The following ABCA9 variants were observed in gnomAD, a reference collection of about 807,000 sequenced individuals.
ABCA9 encodes ATP-binding cassette sub-family A member 9.
Under a neutral mutation model 205.3 loss-of-function variants are expected in ABCA9, and 183 were observed. The observed-to-expected ratio is 0.89, with a 90% CI of 0.79 to 1.01. The LOEUF (loss-of-function observed/expected upper bound fraction) is 1.01. ABCA9 is among the 50% of genes least tolerant of loss of function. ABCA9 has a pLI of 0.00. For missense variants in ABCA9, 1,805 were observed against 1,912.4 expected (o/e 0.94, Z 1.05); for synonymous variants, 651 against 683.3 (o/e 0.95, Z 0.74).
chr17:68,987,394 A>G (rs2069272023), intron 31 of ABCA9, among the ~76,000 whole-genome samples: 1 of 152,252 alleles, frequency 6.6e-6, no homozygotes, highest in East Asian at 1.9e-4. Flanking sequence ...TAAGTGAACA[A>G]TTTATAACCT....
intron 3 of ABCA9, among the ~76,000 whole-genome samples, chr17:69,046,904 TATATATATAAAATTTTATATATATAG>T (rs1478086991): frequency 3.4e-4 from 44 of 129,738 alleles, no homozygotes; most frequent in African/African-American, 1.1e-3. Flanking sequence ...TATATATATA[TATATATATAAAATTTTATATATATAG>T]AAAATTTTAT....
In ABCA9 at chr17:69,020,430, C is replaced by A; in HGVS notation, c.2558G>T (p.Arg853Leu). 6.2e-7 allele frequency: 1 copy of A among 1,613,878 alleles called. No homozygotes were observed. The highest frequency in any genetic ancestry group is 8.5e-7 in the Non-Finnish European group (1 of 1,179,892). Reference protein sequence around the residue: ...RQQVCAIAKVRFLKLKKERKS... With the variant: ...RQQVCAIAKVLFLKLKKERKS... ...TCTTTCTTTCTTTAACTTTAGGAAG[C>A]GAACTTTTGCTATTGCACAGACCTG... Residue 853 changes from arginine (R) to leucine (L), a missense_variant, in exon 19 of 39, where the codon CGC becomes CTC. By Grantham distance (102) the Arg-to-Leu change is moderately radical. Transcript: ENST00000340001.
chr17:68,982,848 A>T (rs987173144), intron 36 of ABCA9, among the ~76,000 whole-genome samples: 1 of 152,122 alleles, frequency 6.6e-6, no homozygotes, highest in Non-Finnish European at 1.5e-5. Flanking sequence ...CCACAAAAAA[A>T]CTTAAAAATT....
rs1268874882 is a variant in ABCA9, at chr17:69,029,198, C to CCT, written c.1473_1474dup (p.Gly492GlufsTer7). 2 of 1,559,644 alleles carry CCT rather than the reference C, an allele frequency of 1.3e-6. No homozygotes were observed. Among genetic ancestry groups the CCT allele is most frequent in the Non-Finnish European group, 1.8e-6 (2 of 1,142,426 alleles). ...CAAAGCTTCTACTCTCTCACACTTCCCTGCATATTCTTTTTTAAGATTTTT... is the reference window on the plus strand; with the variant it reads ...CAAAGCTTCTACTCTCTCACACTTCCCTCTGCATATTCTTTTTTAAGATTTTT... On this transcript the variant is annotated frameshift_variant, in exon 11 of 39. Coordinates refer to ENST00000340001, the MANE Select transcript of ABCA9 (RefSeq NM_080283.4). LOFTEE classifies it high-confidence loss of function.
At chr17:69,028,514 C>T (rs772254930) in intron 12 of ABCA9, 21 bp downstream of exon 12, 1 of 1,510,570 alleles carries the variant, frequency 6.6e-7, no homozygotes, top group Non-Finnish European at 9.1e-7. Flanking sequence ...GGTACTTGTC[C>T]TTGGATAACT....
chr17:69,070,299 G>C, the ABCA9 span, among the ~76,000 whole-genome samples: 3 of 151,922 alleles, frequency 2.0e-5, no homozygotes, highest in Admixed American at 2.0e-4. Context: ...GCAGCTCCCG[G>C]GCAAGATGGC....
chr17:68,996,000 CGAG>C lies in ABCA9; in HGVS notation c.3447_3449del (p.Phe1149_Ser1150delinsLeu). ...ATTCATTTAGATCAGTAGCAACTATCGAGAAGATGACCACCTAAAACAAATGCA... is the reference window on the plus strand; with the variant it reads ...ATTCATTTAGATCAGTAGCAACTATCAAGATGACCACCTAAAACAAATGCA... On this transcript the variant is annotated inframe_deletion, in exon 26 of 39. Transcript: ENST00000340001. 1 of 1,613,480 alleles carries C rather than the reference CGAG, an allele frequency of 6.2e-7. No individual in the cohort carries two copies. The highest frequency in any genetic ancestry group is 8.5e-7 in the Non-Finnish European group (1 of 1,179,880).
upstream of ABCA9, among the ~76,000 whole-genome samples, chr17:69,061,761 C>A (rs1391920165): frequency 1.3e-5 from 2 of 152,112 alleles, no homozygotes; most frequent in Non-Finnish European, 1.5e-5. Flanking sequence ...TTTTGAGCAT[C>A]TTATGTAAGT....
chr17:69,065,457 C>A (rs1050551398), upstream of ABCA9, among the ~76,000 whole-genome samples: 15 of 152,140 alleles, frequency 9.9e-5, no homozygotes, highest in Admixed American at 9.8e-4. Flanking sequence ...GATCTCTTTG[C>A]AAATGTACAA....
chr17:69,001,511 C>T (rs1413474448), intron 25 of ABCA9, among the ~76,000 whole-genome samples: 56 of 150,374 alleles, frequency 3.7e-4, no homozygotes, highest in South Asian at 1.3e-3. Flanking sequence ...CTGCTGGATT[C>T]GGTTTGCCAG....
Position 69,043,502 on chromosome 17 carries a change from C to CT in ABCA9, c.786dup (p.Glu263ArgfsTer104), listed in dbSNP as rs1435830176. ...CATATGATTTACCAGAATGCTGACT[C>CT]TCGGAGTCCCATCATTGTCATCAAT... is the stretch of plus-strand genomic sequence containing the variant. On this transcript the variant is annotated frameshift_variant, in exon 6 of 39. Coordinates refer to ENST00000340001, the MANE Select transcript of ABCA9 (RefSeq NM_080283.4). LOFTEE classifies it high-confidence loss of function. The CT allele has an allele frequency of 1.9e-6, 3 of 1,593,524 alleles. No homozygotes were observed. In the East Asian group the frequency reaches 6.7e-5, roughly 36 times the overall value.
chr17:69,011,325 G>C (rs1049849852), intron 23 of ABCA9, among the ~76,000 whole-genome samples: 2 of 152,134 alleles, frequency 1.3e-5, no homozygotes, highest in African/African-American at 4.8e-5. Context: ...GAAAAAGACA[G>C]TGAATGTGTG....
At chr17:69,019,342 C>A (rs1003481323) in intron 19 of ABCA9, among the ~76,000 whole-genome samples, 5 of 152,038 alleles carry the variant, frequency 3.3e-5, no homozygotes, top group African/African-American at 1.2e-4. Context: ...ATGCAAACTC[C>A]TTAGCTCTTT....
At chr17:69,053,741 G>T (rs1224021819) in intron 1 of ABCA9, among the ~76,000 whole-genome samples, 2 of 151,784 alleles carry the variant, frequency 1.3e-5, no homozygotes, top group African/African-American at 4.8e-5. Flanking sequence ...CAAAAAGAGA[G>T]AAAGAAAGGA....
chr17:69,028,992 A>G (rs1366327417), intron 11 of ABCA9, among the ~76,000 whole-genome samples, 177 bp downstream of exon 11: 1 of 151,866 alleles, frequency 6.6e-6, no homozygotes, highest in Non-Finnish European at 1.5e-5. Flanking sequence ...ATACATTTTA[A>G]TGATACTTTT....
rs959908552 is a variant in ABCA9, at chr17:69,021,940, G to A, written c.2282-79C>T. 42 of 1,179,938 alleles carry A rather than the reference G, an allele frequency of 3.6e-5. No homozygotes were observed. The Middle Eastern group carries it at 2.2e-3, about 61-fold the overall frequency. The allele number at this position is 1,179,938 out of a possible 1,614,324, so 73.1% of individuals were successfully genotyped here. A position where few individuals can be genotyped will look rare whatever the true frequency, so the allele number is the denominator to read the frequency against. ...TATTTCTCAAAAATGTAAAATATTG[G>A]TAATAGGCCAAATGTACTAATCAGA... On this transcript the variant is annotated intron_variant, in intron 17 of 38. Transcript: ENST00000340001.
intron 10 of ABCA9, among the ~76,000 whole-genome samples, chr17:69,029,581 G>GA (rs913282812): frequency 5.3e-5 from 8 of 152,016 alleles, no homozygotes; most frequent in African/African-American, 1.7e-4. Context: ...AAAAAGAAGA[G>GA]AAAAAACACA....
chr17:69,024,276 G>A lies in ABCA9; in HGVS notation c.2219C>T (p.Thr740Ile). The A allele has an allele frequency of 6.2e-7, 1 of 1,613,096 alleles. No homozygotes were observed. ...TACAAGTTTTTCTTCACTTTGTGCT[G>A]TCAATTTGGCATCAGAGATGTGCTG... is the stretch of plus-strand genomic sequence containing the variant. Reference protein sequence around the residue: ...VKQHISDAKLTAQSEEKLVYI... With the variant: ...VKQHISDAKLIAQSEEKLVYI... Residue 740 changes from threonine (T) to isoleucine (I), a missense_variant, in exon 17 of 39, where the codon ACA becomes ATA. Thr to Ile is a moderately conservative substitution (Grantham distance 89). Transcript: ENST00000340001.
Position 69,032,199 on chromosome 17 carries a change from C to G in ABCA9, c.1354G>C (p.Val452Leu). The G allele has an allele frequency of 6.2e-7, 1 of 1,613,934 alleles. No homozygotes were observed. Among genetic ancestry groups the G allele is most frequent in the South Asian group, 1.1e-5 (1 of 91,064 alleles). ...GAATCTGTTTCATTCTCAAGGACCA[C>G]ATGATTAGCCCTTCCGTGTTGAAAC... is the stretch of plus-strand genomic sequence containing the variant. ...FWFQHGRANHVVLENETDSDP... is the reference protein window; with the variant it reads ...FWFQHGRANHLVLENETDSDP... The change falls in exon 10 of 39, where the codon GTG becomes CTG. Residue 452 changes from valine to leucine, a missense_variant. By Grantham distance (32) the Val-to-Leu change is conservative. Transcript: ENST00000340001.
Sources: gnomAD v4.1 joint callset for allele counts (sites outside exome capture counted in the v4.1 genomes callset) on GRCh38, gnomAD v4.1.1 for gene constraint, MANE v1.5 for transcripts, NCBI Gene and HGNC (gene_info 2026-07-23, HGNC 2026-07-21) for gene names.